The following GPR89B variants were observed in gnomAD, a reference collection of about 807,000 sequenced individuals.
GPR89B encodes the protein G protein-coupled receptor 89B.
GPR89B carries 25 observed loss-of-function variants against 52.4 expected under a neutral mutation model. That is an observed-to-expected ratio of 0.48 (90% confidence interval 0.35 to 0.67). GPR89B has a LOEUF of 0.67. Among genes scored for constraint, GPR89B ranks in the 30% least tolerant of loss-of-function variants. The pLI is 0.01. For synonymous variants in GPR89B, 52 were observed against 151.2 expected, an observed-to-expected ratio of 0.34 and a Z score of 4.81; for missense variants, 146 against 450.2, an observed-to-expected ratio of 0.32 and a Z score of 6.11.
intron 5 of GPR89B, among the ~76,000 whole-genome samples, chr1:147,951,310 C>G (rs1553251013): frequency 1.3e-5 from 2 of 152,010 alleles, no homozygotes; most frequent in African/African-American, 4.8e-5. Flanking sequence ...AGTGCCTAGT[C>G]ATAGCAGGTG....
At chr1:148,004,105 C>G in the GPR89B span, 1 of 458,606 alleles carries the variant, frequency 2.2e-6, no homozygotes, top group East Asian at 3.9e-5. Context: ...GATGAAAGGC[C>G]TGAGTTTAAG....
At chr1:147,994,851 A>G (rs1659277250), downstream of GPR89B, among the ~76,000 whole-genome samples, 1 of 152,010 alleles carries the variant, frequency 6.6e-6, no homozygotes, top group Non-Finnish European at 1.5e-5. Flanking sequence ...CAGAATTAAT[A>G]TAATGGAAAG....
chr1:147,950,171 C>T (rs1196522755), intron 5 of GPR89B, among the ~76,000 whole-genome samples: 1 of 149,402 alleles, frequency 6.7e-6, no homozygotes, highest in African/African-American at 2.5e-5. Flanking sequence ...CTCCTCACTT[C>T]TCATATGGGG....
chr1:147,943,255 C>A (rs1654695408), intron 3 of GPR89B, among the ~76,000 whole-genome samples, 183 bp from the exon 4 acceptor site: 1 of 152,022 alleles, frequency 6.6e-6, no homozygotes, highest in Non-Finnish European at 1.5e-5. Context: ...GTCATACATA[C>A]CTTTCAAAAA....
intron 3 of GPR89B, among the ~76,000 whole-genome samples, chr1:147,941,442 A>G (rs1553248903): frequency 6.6e-6 from 1 of 152,054 alleles, no homozygotes; most frequent in African/African-American, 2.4e-5. Flanking sequence ...AAAGCTGTCA[A>G]TGTATCTAGT....
chr1:147,985,764 C>A (rs1462847271), intron 10 of GPR89B, among the ~76,000 whole-genome samples: 1 of 151,888 alleles, frequency 6.6e-6, no homozygotes, highest in African/African-American at 2.4e-5. Context: ...GGGAATTTTT[C>A]ATTATTCCAT....
At chr1:147,929,037 C>G (rs1653296968) in intron 1 of GPR89B, 1 of 785,270 alleles carries the variant, frequency 1.3e-6, no homozygotes, top group South Asian at 5.7e-5. Flanking sequence ...AATCCTGAAT[C>G]CGGGTGTGGA....
chr1:147,991,024 T>C (rs1462573027), intron 12 of GPR89B, among the ~76,000 whole-genome samples: 15,455 of 151,348 alleles, frequency 0.1, 1,077 homozygotes, highest in Non-Finnish European at 0.14. Context: ...ATTGAATCTA[T>C]AAATTACCTT....
chr1:148,015,105 A>G, the GPR89B span: 1 of 151,470 alleles, frequency 6.6e-6, no homozygotes, highest in South Asian at 2.1e-4. Flanking sequence ...CCAAGTCTGG[A>G]GTTGGCTGGT....
intron 5 of GPR89B, among the ~76,000 whole-genome samples, chr1:147,945,204 C>T (rs1236873600): frequency 1.4e-5 from 2 of 141,170 alleles, no homozygotes; most frequent in South Asian, 5.0e-4. Context: ...CTATCACCAC[C>T]CCTACATTGT....
chr1:147,963,943 G>A (rs1298933327), intron 7 of GPR89B, among the ~76,000 whole-genome samples: 82 of 152,160 alleles, frequency 5.4e-4, no homozygotes, highest in Admixed American at 3.7e-3. Flanking sequence ...AATATATACC[G>A]TATGATTCTA....
Position 147,979,305 on chromosome 1 carries a change from A to G in GPR89B, c.910-6894A>G, listed in dbSNP as rs1331227791. 6.0e-5 allele frequency among the ~76,000 whole-genome samples: 9 copies of G among 151,104 alleles called. No individual in the cohort carries two copies. The East Asian group carries it at 1.7e-3, about 29-fold the overall frequency. On this transcript the variant is annotated intron_variant, in intron 10 of 13. Coordinates refer to ENST00000314163, the MANE Select transcript of GPR89B (RefSeq NM_016334.5). ...TCTAGTTGGTCACCTTGGCCCCTCC[A>G]CCGACCTTGCCAGTCTTTTAATTAA... is the stretch of plus-strand genomic sequence containing the variant.
At chr1:147,968,785 A>G in intron 8 of GPR89B, 90 bp from the exon 9 acceptor site, 1 of 1,602,216 alleles carries the variant, frequency 6.2e-7, no homozygotes. Context: ...CCGGGAATCC[A>G]CTGTAGGAAA....
chr1:147,958,099 C>T (rs1395414034), intron 7 of GPR89B, among the ~76,000 whole-genome samples: 5 of 151,948 alleles, frequency 3.3e-5, no homozygotes, highest in East Asian at 1.9e-4. Flanking sequence ...AAAGAAGGCT[C>T]AGGTTCACTG....
the GPR89B span, among the ~76,000 whole-genome samples, chr1:148,017,416 G>A: frequency 4.0e-5 from 6 of 151,164 alleles, no homozygotes; most frequent in Admixed American, 3.3e-4. Context: ...GGATGAAATG[G>A]GTTTTTGGAA....
At chr1:148,000,112 T>C in the GPR89B span, among the ~76,000 whole-genome samples, 1 of 152,102 alleles carries the variant, frequency 6.6e-6, no homozygotes, top group South Asian at 2.1e-4. Context: ...TTCATACAAT[T>C]TACTTTTAGG....
chr1:147,935,275 T>A (rs1192582732), intron 1 of GPR89B, among the ~76,000 whole-genome samples: 3 of 151,818 alleles, frequency 2.0e-5, no homozygotes, highest in Admixed American at 2.0e-4. Context: ...ACCAAAGAAG[T>A]TCCAGGGGGC....
chr1:147,971,296 C>T (rs1301356225), intron 10 of GPR89B, among the ~76,000 whole-genome samples: 1 of 150,946 alleles, frequency 6.6e-6, no homozygotes, highest in Non-Finnish European at 1.5e-5. Context: ...ATTACAAGCA[C>T]GCACCGCCAC....
At chr1:147,990,630 G>A (rs1658993596) in intron 12 of GPR89B, among the ~76,000 whole-genome samples, 2 of 152,064 alleles carry the variant, frequency 1.3e-5, no homozygotes, top group African/African-American at 2.4e-5. Context: ...TTTGTATAAG[G>A]TGTAAGGAAG....
Sources: gnomAD v4.1 joint callset for allele counts (sites outside exome capture counted in the v4.1 genomes callset) on GRCh38, gnomAD v4.1.1 for gene constraint, MANE v1.5 for transcripts, NCBI Gene and HGNC (gene_info 2026-07-23, HGNC 2026-07-21) for gene names.